Variants in MT1X observed in about 807,000 individuals in gnomAD.
The protein encoded by MT1X is metallothionein-1X.
A neutral mutation model predicts 8.6 loss-of-function variants in MT1X; 7 were observed. That is an observed-to-expected ratio of 0.81 (90% CI 0.46 to 1.52). The LOEUF is 1.52. Among genes scored for constraint, MT1X ranks in the 40% most tolerant of loss-of-function variants. MT1X has a pLI of 0.01. For missense variants in MT1X, 72 were observed against 74.3 expected (o/e 0.97, Z 0.11); for synonymous variants, 25 against 27.6 (o/e 0.91, Z 0.30).
intron 1 of MT1X, 173 bp downstream of exon 1, chr16:56,682,741 C>G: frequency 2.5e-6 from 2 of 803,822 alleles, no homozygotes; most frequent in East Asian, 5.2e-5. Flanking sequence ...CTCCCTGTGC[C>G]TCTAAGTTAG....
chr16:56,683,318 G>A (rs769644560), intron 2 of MT1X, 88 bp downstream of exon 2: 3 of 1,515,034 alleles, frequency 2.0e-6, no homozygotes, highest in East Asian at 2.3e-5. Flanking sequence ...GCAGGCCAAT[G>A]ACCAGCTTCC....
intron 2 of MT1X, 163 bp from the exon 3 acceptor site, chr16:56,683,795 A>C: frequency 2.8e-6 from 3 of 1,070,490 alleles, no homozygotes; most frequent in Non-Finnish European, 4.1e-6. Flanking sequence ...TTCATATAAA[A>C]CCCTCATCCC....
In MT1X at chr16:56,682,585, T is replaced by G; in HGVS notation, c.28+17T>G. The G allele has an allele frequency of 1.2e-6, 2 of 1,614,206 alleles. No homozygotes were observed. Among genetic ancestry groups the G allele is most frequent in the Non-Finnish European group, 1.7e-6 (2 of 1,180,010 alleles). On this transcript the variant is annotated intron_variant, in intron 1 of 2. Transcript: ENST00000394485. ...GCTCGCCTGGTAAGGGACACCTAGC[T>G]CCGCGCCTTGGGATGCCCGTTTCCC...
In MT1X at chr16:56,682,526, T is replaced by C; in HGVS notation, c.-15T>C. On this transcript the variant is annotated 5_prime_UTR_variant, in exon 1 of 3. Transcript: ENST00000394485. ...TTCCTCTTGATCGGGAACTCCTGCT[T>C]CTCCTTGCCTCGAAATGGACCCCAA... is the stretch of plus-strand genomic sequence containing the variant. 6.2e-7 allele frequency: 1 copy of C among 1,614,124 alleles called. No homozygotes were observed.
chr16:56,684,102 G>GTTTTTTT lies in MT1X; in HGVS notation c.*53_*54insTTTTTTT. The GTTTTTTT allele has an allele frequency of 7.0e-7, 1 of 1,437,632 alleles. No individual in the cohort carries two copies. Among genetic ancestry groups the GTTTTTTT allele is most frequent in the Non-Finnish European group, 9.3e-7 (1 of 1,072,888 alleles). The allele number at this position is 1,437,632 out of a possible 1,614,324, so 89.1% of individuals were successfully genotyped here. A position where few individuals can be genotyped will look rare whatever the true frequency, so the allele number is the denominator to read the frequency against. ...AAATAGAGCAACCTATATAAACCTG[G>GTTTTTTT]ATTTTTTTTTTTTTTTTTTTTGTAC... On this transcript the variant is annotated 3_prime_UTR_variant, in exon 3 of 3. Coordinates refer to ENST00000394485, the MANE Select transcript of MT1X (RefSeq NM_005952.4).
intron 2 of MT1X, chr16:56,683,528 C>T: frequency 2.4e-6 from 1 of 422,134 alleles, no homozygotes; most frequent in Non-Finnish European, 4.3e-6. Context: ...TCCTGAAGCA[C>T]TTAAGGCCCA....
Position 56,682,534 on chromosome 16 carries a change from C to CAGGAGACCCCAACTGCTCCTG in MT1X, c.-7_-6insAGGAGACCCCAACTGCTCCTG. ...GATCGGGAACTCCTGCTTCTCCTTG[C>CAGGAGACCCCAACTGCTCCTG]CTCGAAATGGACCCCAACTGCTCCT... On this transcript the variant is annotated 5_prime_UTR_variant, in exon 1 of 3. Transcript: ENST00000394485. 2 of 1,614,204 alleles carry CAGGAGACCCCAACTGCTCCTG rather than the reference C, an allele frequency of 1.2e-6. No individual in the cohort carries two copies. Among genetic ancestry groups the CAGGAGACCCCAACTGCTCCTG allele is most frequent in the East Asian group, 2.2e-5 (1 of 44,886 alleles).
chr16:56,682,940 G>A, intron 1 of MT1X: 1 of 620,492 alleles, frequency 1.6e-6, no homozygotes, highest in Non-Finnish European at 2.8e-6. Flanking sequence ...CCTGGGCTGT[G>A]TCTGGAGCCT....
rs778754366 is a variant in MT1X at position 56,683,227 on chromosome 16, A to T, written c.91A>T (p.Lys31Ter). The T allele has an allele frequency of 8.1e-6, 13 of 1,613,786 alleles. No individual in the cohort carries two copies. In the Admixed American group the frequency reaches 1.5e-4, roughly 19 times the overall value. Residue 31 changes from lysine to a stop codon, truncating the protein, a stop_gained, in exon 2 of 3, where the codon AAG becomes TAG. Transcript: ENST00000394485. LOFTEE classifies it high-confidence loss of function. ...CKECKCTSCK[K>*]SCCSCCPVGC... is the part of the protein sequence containing the mutation. Reference sequence around the variant, plus strand: ...AGAGTGCAAATGCACCTCCTGCAAGAAGAGTGAGTGCAGGGCCTTCCCTGC... The same window carrying T: ...AGAGTGCAAATGCACCTCCTGCAAGTAGAGTGAGTGCAGGGCCTTCCCTGC...
At position 56,682,517 on chromosome 16, in the gene MT1X, A is replaced by G; in HGVS notation, c.-24A>G. 2 of 1,613,560 alleles carry G rather than the reference A, an allele frequency of 1.2e-6. No individual in the cohort carries two copies. Among genetic ancestry groups the G allele is most frequent in the Non-Finnish European group, 1.7e-6 (2 of 1,179,848 alleles). Reference sequence around the variant, plus strand: ...CTGCGTGTTTTCCTCTTGATCGGGAACTCCTGCTTCTCCTTGCCTCGAAAT... The same window carrying G: ...CTGCGTGTTTTCCTCTTGATCGGGAGCTCCTGCTTCTCCTTGCCTCGAAAT... On this transcript the variant is annotated 5_prime_UTR_variant, in exon 1 of 3. Coordinates refer to ENST00000394485, the MANE Select transcript of MT1X (RefSeq NM_005952.4).
At chr16:56,682,610 C>G (rs372764576) in intron 1 of MT1X, 42 bp downstream of exon 1, 1 of 1,612,932 alleles carries the variant, frequency 6.2e-7, no homozygotes, top group East Asian at 2.2e-5. Flanking sequence ...GCCCGTTTCC[C>G]AGCCACAGTA....
Position 56,682,499 on chromosome 16 carries a change from T to G in MT1X, c.-42T>G, listed in dbSNP as rs764102713. On this transcript the variant is annotated 5_prime_UTR_variant, in exon 1 of 3. Transcript: ENST00000394485. Reference sequence around the variant, plus strand: ...CGCTTTTCATCTGTCCCGCTGCGTGTTTTCCTCTTGATCGGGAACTCCTGC... The same window carrying G: ...CGCTTTTCATCTGTCCCGCTGCGTGGTTTCCTCTTGATCGGGAACTCCTGC... 23 of 1,613,236 alleles carry G rather than the reference T, an allele frequency of 1.4e-5. No homozygotes were observed. The highest frequency in any genetic ancestry group is 1.7e-4 in the Middle Eastern group (1 of 6,058).
chr16:56,684,105 T>G lies in MT1X; in HGVS notation c.*56T>G, dbSNP rs1224869875. 3 of 262,288 alleles carry G rather than the reference T, an allele frequency of 1.1e-5. No individual in the cohort carries two copies. The highest frequency in any genetic ancestry group is 1.9e-4 in the East Asian group (1 of 5,150). The allele number at this position is 262,288 out of a possible 1,614,324, so 16.2% of individuals were successfully genotyped here. ...TAGAGCAACCTATATAAACCTGGAT[T>G]TTTTTTTTTTTTTTTTTTGTACAAC... is the stretch of plus-strand genomic sequence containing the variant. On this transcript the variant is annotated 3_prime_UTR_variant, in exon 3 of 3. Transcript: ENST00000394485.
chr16:56,682,648 G>T, intron 1 of MT1X, 80 bp downstream of exon 1: 4 of 1,560,200 alleles, frequency 2.6e-6, no homozygotes, highest in Non-Finnish European at 3.5e-6. Context: ...TGAAGAAGTC[G>T]CATTTAAAGT....
chr16:56,683,123 G>T (rs1961021491), intron 1 of MT1X, 42 bp from the exon 2 acceptor site: 1 of 1,611,230 alleles, frequency 6.2e-7, no homozygotes, highest in South Asian at 1.1e-5. Context: ...TGTACCTTCT[G>T]CATCTCACTC....
At chr16:56,683,683 G>A (rs1209971248) in intron 2 of MT1X, 1 of 473,356 alleles carries the variant, frequency 2.1e-6, no homozygotes, top group Non-Finnish European at 3.7e-6. Context: ...CTCATTTAAG[G>A]GTAGGTTTTG....
At chr16:56,682,718 G>A in intron 1 of MT1X, 150 bp downstream of exon 1, 1 of 989,674 alleles carries the variant, frequency 1.0e-6, no homozygotes, top group Non-Finnish European at 1.5e-6. Context: ...ACGTCCCTGA[G>A]ACCACTTCTC....
chr16:56,682,994 C>A, intron 1 of MT1X, 171 bp from the exon 2 acceptor site: 1 of 777,800 alleles, frequency 1.3e-6, no homozygotes, highest in East Asian at 2.7e-5. Context: ...ACTTGCCCTT[C>A]CCAAAATGAA....
chr16:56,683,756 C>T (rs1961029982), intron 2 of MT1X: 1 of 721,450 alleles, frequency 1.4e-6, no homozygotes, highest in South Asian at 1.8e-5. Flanking sequence ...TCTGTCCTGT[C>T]CCAGACTCAG....
Sources: allele counts gnomAD v4.1 joint callset, GRCh38; gene constraint gnomAD v4.1.1; transcripts MANE v1.5; gene names NCBI Gene and HGNC (gene_info 2026-07-23, HGNC 2026-07-21).